The following TMEM232 variants were observed in gnomAD, a reference collection of about 807,000 sequenced individuals.
TMEM232 encodes transmembrane protein 232.
A neutral mutation model predicts 78.8 loss-of-function variants in TMEM232; 80 were observed. The ratio of observed to expected loss-of-function variants is 1.01; its 90% CI spans 0.85 to 1.22. TMEM232 has a LOEUF of 1.22. TMEM232 is among the 50% of genes most tolerant of loss of function. The pLI is 0.00. For synonymous variants in TMEM232, 297 were observed against 254.3 expected (o/e 1.17, Z -1.60); for missense variants, 881 against 742.2 (o/e 1.19, Z -2.17).
intron 12 of TMEM232, among the ~76,000 whole-genome samples, chr5:110,521,416 A>G (rs545484017): frequency 6.6e-6 from 1 of 152,284 alleles, no homozygotes; most frequent in South Asian, 2.1e-4. Flanking sequence ...CTGTAGGATG[A>G]CTTTTAACTT....
intron 2 of TMEM232, among the ~76,000 whole-genome samples, chr5:110,652,781 A>G (rs1204948934): frequency 6.6e-6 from 1 of 152,216 alleles, no homozygotes; most frequent in Non-Finnish European, 1.5e-5. Context: ...AAATACAGGC[A>G]TTTCAAAAAA....
chr5:110,721,251 TGATA>T (rs1456991107), intron 1 of TMEM232, among the ~76,000 whole-genome samples: 1 of 152,030 alleles, frequency 6.6e-6, no homozygotes, highest in Non-Finnish European at 1.5e-5. Flanking sequence ...CAACAAACAT[TGATA>T]GATTTTGTGT....
chr5:110,695,303 G>A (rs1794636429), intron 1 of TMEM232, among the ~76,000 whole-genome samples: 1 of 152,192 alleles, frequency 6.6e-6, no homozygotes, highest in South Asian at 2.1e-4. Flanking sequence ...ATTCAAAGCA[G>A]TGTGTAGAGG....
rs568162732 is a variant in TMEM232 at position 110,654,455 on chromosome 5, G to C, written c.126-12084C>G. The stretch of plus-strand genomic sequence containing the variant: ...TCTCAGGTTTGTCAAAGATCAGATA[G>C]TTGTAGATATGTGGTGCTATTTCTG... On this transcript the variant is annotated intron_variant, in intron 2 of 13. Coordinates refer to ENST00000455884, the MANE Select transcript of TMEM232 (RefSeq NM_001039763.4). 1.6e-4 allele frequency among the ~76,000 whole-genome samples: 24 copies of C among 152,288 alleles called. No homozygotes were observed. In the South Asian group the frequency reaches 5.0e-3, roughly 32 times the overall value.
chr5:110,712,194 A>AC (rs1796560674), intron 1 of TMEM232, among the ~76,000 whole-genome samples: 1 of 151,950 alleles, frequency 6.6e-6, no homozygotes, highest in Admixed American at 6.6e-5. Context: ...TCTGGGCAAA[A>AC]ATTTATTGAG....
At chr5:110,643,380 T>C (rs925293646) in intron 2 of TMEM232, among the ~76,000 whole-genome samples, 4 of 152,032 alleles carry the variant, frequency 2.6e-5, no homozygotes, top group Non-Finnish European at 5.9e-5. Context: ...GTCATCAGCA[T>C]AGATATGGAA....
At chr5:110,491,104 C>T (rs373506552) in intron 12 of TMEM232, among the ~76,000 whole-genome samples, 1 of 151,576 alleles carries the variant, frequency 6.6e-6, no homozygotes, top group East Asian at 1.9e-4. Context: ...CCAGAATATA[C>T]AAAGAGTTTT....
chr5:110,424,135 T>A (rs1009314967), intron 13 of TMEM232, among the ~76,000 whole-genome samples: 2 of 152,148 alleles, frequency 1.3e-5, no homozygotes, highest in Admixed American at 1.3e-4. Context: ...TTCACAAGAT[T>A]ACTACTTAAA....
chr5:110,416,466 C>T (rs1017292770), downstream of TMEM232, among the ~76,000 whole-genome samples: 1 of 152,176 alleles, frequency 6.6e-6, no homozygotes. Context: ...CTGGAGGAGA[C>T]TATGGTGACT....
chr5:110,576,973 A>T (rs1267022956), intron 10 of TMEM232, among the ~76,000 whole-genome samples: 1 of 151,906 alleles, frequency 6.6e-6, no homozygotes, highest in Non-Finnish European at 1.5e-5. Flanking sequence ...ACACACACAC[A>T]AGCAAATAAG....
At chr5:110,496,236 T>C (rs1244325829) in intron 12 of TMEM232, among the ~76,000 whole-genome samples, 2 of 151,994 alleles carry the variant, frequency 1.3e-5, no homozygotes, top group African/African-American at 4.8e-5. Context: ...TTGTACAATA[T>C]CTAAGCTCTT....
intron 11 of TMEM232, among the ~76,000 whole-genome samples, chr5:110,532,284 C>G (rs1021542820): frequency 3.3e-5 from 5 of 151,916 alleles, no homozygotes; most frequent in Non-Finnish European, 7.4e-5. Context: ...CTGACTCCTT[C>G]CCAGATCTTC....
chr5:110,593,258 G>A (rs182710671), intron 10 of TMEM232, among the ~76,000 whole-genome samples: 55 of 152,314 alleles, frequency 3.6e-4, no homozygotes, highest in Admixed American at 6.5e-4. Flanking sequence ...GATTTTGGAT[G>A]TGTTTTCCAG....
chr5:110,399,232 T>C (rs1755501898), intron 2 of TMEM232, among the ~76,000 whole-genome samples: 1 of 152,064 alleles, frequency 6.6e-6, no homozygotes, highest in Admixed American at 6.6e-5. Context: ...CCATTAATCC[T>C]GCTGTCAGGA....
At position 110,526,569 on chromosome 5, in the gene TMEM232, G is replaced by A. The variant is rs907922543; in HGVS notation, c.1703+2019C>T. On this transcript the variant is annotated intron_variant, in intron 12 of 13. Coordinates refer to ENST00000455884, the MANE Select transcript of TMEM232 (RefSeq NM_001039763.4). Reference sequence around the variant, plus strand: ...TGTTGTCAACACCCTCCGTTGGGAAGACTAAAGAAAAACAGGCACTCATAT... The same window carrying A: ...TGTTGTCAACACCCTCCGTTGGGAAAACTAAAGAAAAACAGGCACTCATAT... 2.6e-5 allele frequency among the ~76,000 whole-genome samples: 4 copies of A among 151,908 alleles called. 1 individual carries two copies. Among genetic ancestry groups the A allele is most frequent in the Admixed American group, 1.3e-4 (2 of 15,248 alleles).
intron 10 of TMEM232, among the ~76,000 whole-genome samples, chr5:110,571,812 TA>T (rs541572138): frequency 2.0e-5 from 3 of 150,384 alleles, no homozygotes; most frequent in East Asian, 2.0e-4. Flanking sequence ...GAGCTATGGT[TA>T]AAAAAAAATA....
At chr5:110,622,460 C>T (rs1290946862) in intron 7 of TMEM232, among the ~76,000 whole-genome samples, 14 of 152,092 alleles carry the variant, frequency 9.2e-5, no homozygotes, top group Admixed American at 7.9e-4. Flanking sequence ...TTTGTTCTTG[C>T]GATAGTTTAC....
intron 1 of TMEM232, among the ~76,000 whole-genome samples, chr5:110,677,099 T>C (rs1040822573): frequency 6.6e-6 from 1 of 152,146 alleles, no homozygotes; most frequent in African/African-American, 2.4e-5. Flanking sequence ...AGTTATAAGG[T>C]GATATCTCAT....
intron 13 of TMEM232, among the ~76,000 whole-genome samples, chr5:110,422,675 C>A (rs559776851): frequency 1.3e-5 from 2 of 152,114 alleles, no homozygotes; most frequent in South Asian, 4.2e-4. Flanking sequence ...ATCATATCAT[C>A]ACTGTCCAGA....
Sources: gnomAD v4.1 joint callset for allele counts (sites outside exome capture counted in the v4.1 genomes callset) on GRCh38, gnomAD v4.1.1 for gene constraint, MANE v1.5 for transcripts, NCBI Gene and HGNC (gene_info 2026-07-23, HGNC 2026-07-21) for gene names.